The following SBK1 variants were observed in gnomAD, a reference collection of about 807,000 sequenced individuals.
The protein encoded by SBK1 is SH3 domain binding kinase 1, also known as serine/threonine-protein kinase SBK1.
A neutral mutation model predicts 24.4 loss-of-function variants in SBK1; 11 were observed. The ratio of observed to expected loss-of-function variants is 0.45; its 90% CI spans 0.28 to 0.75. The LOEUF (loss-of-function observed/expected upper bound fraction) is 0.75, where lower values mean the gene tolerates loss of function less well. Ranked by LOEUF, SBK1 falls within the 30% of genes least tolerant of loss-of-function variation. The pLI is 0.12. For missense variants in SBK1, 467 were observed against 620.5 expected (o/e 0.75, Z 2.63); for synonymous variants, 308 against 284.4 (o/e 1.08, Z -0.83).
intron 1 of SBK1, among the ~76,000 whole-genome samples, chr16:28,276,436 T>C (rs922734851): frequency 3.3e-5 from 5 of 152,292 alleles, no homozygotes; most frequent in African/African-American, 1.2e-4. Context: ...GACGGGGCAC[T>C]GGCAGCTGCG....
chr16:28,262,624 A>G (rs1184841932), intron 1 of SBK1, among the ~76,000 whole-genome samples: 1 of 152,214 alleles, frequency 6.6e-6, no homozygotes, highest in East Asian at 1.9e-4. Flanking sequence ...ACAATGTGCT[A>G]TAATAGAGGT....
chr16:28,298,797 G>A (rs2044659231), intron 1 of SBK1, among the ~76,000 whole-genome samples: 2 of 152,200 alleles, frequency 1.3e-5, no homozygotes, highest in East Asian at 1.9e-4. Context: ...CTTTGGGATG[G>A]CCCCAAGGGG....
rs1281382057 is a variant in SBK1, at chr16:28,320,901, G to T, written c.1255G>T (p.Ala419Ser). ...KSKGQVVLAT[A>S]IEICV ...CAAAGGGCAGGTGGTGCTGGCCACG[G>T]CCATCGAGATCTGCGTCTGAGTCGC... The change falls in exon 4 of 4, where the codon GCC (alanine) becomes TCC (serine). Residue 419 changes from alanine (A) to serine (S), a missense_variant. Transcript: ENST00000341901. The surrounding 1 kb of genome is among the most constrained non-coding windows in gnomAD (Gnocchi z 8.5). 6.7e-7 allele frequency: 1 copy of T among 1,493,202 alleles called. No individual in the cohort carries two copies. Among genetic ancestry groups the T allele is most frequent in the South Asian group, 1.2e-5 (1 of 82,662 alleles). 92.5% of individuals were successfully genotyped at this position (1,493,202 alleles called of 1,614,324 possible).
rs2044868582 is a variant in SBK1, at chr16:28,322,969, TC to T, written c.*2049del. The T allele has an allele frequency of 7.7e-6, 1 of 130,122 alleles. No homozygotes were observed. The highest frequency in any genetic ancestry group is 8.1e-5 in the Admixed American group (1 of 12,406). 8.1% of individuals were successfully genotyped at this position (130,122 alleles called of 1,614,324 possible). On this transcript the variant is annotated 3_prime_UTR_variant, in exon 4 of 4. Coordinates refer to ENST00000341901, the MANE Select transcript of SBK1 (RefSeq NM_001024401.3). ...CTCTCTCTCTCTCTCTCTCTCTCTC[TC>T]TCTCTCTCTCCTCTCTTTCTCTCTC...
At chr16:28,264,901 G>A (rs901765875) in intron 1 of SBK1, among the ~76,000 whole-genome samples, 8 of 152,026 alleles carry the variant, frequency 5.3e-5, no homozygotes, top group African/African-American at 1.4e-4. Context: ...GGGCAGTCAC[G>A]GAAACCAAGG....
At chr16:28,281,834 G>A (rs2044534872) in intron 1 of SBK1, among the ~76,000 whole-genome samples, 1 of 152,118 alleles carries the variant, frequency 6.6e-6, no homozygotes. Flanking sequence ...AGAAGGGGAG[G>A]GAACAGCCAG....
upstream of SBK1, among the ~76,000 whole-genome samples, chr16:28,289,508 G>A (rs892213168): frequency 3.3e-5 from 5 of 152,234 alleles, no homozygotes; most frequent in Non-Finnish European, 5.9e-5. Context: ...GTTCACACCT[G>A]TAATCCCAGC....
chr16:28,312,256 G>T (rs559260583), intron 1 of SBK1, among the ~76,000 whole-genome samples: 1 of 152,182 alleles, frequency 6.6e-6, no homozygotes, highest in Non-Finnish European at 1.5e-5. Flanking sequence ...CGCAGGCCCC[G>T]GGGAGGCCTG....
chr16:28,309,189 C>G (rs1461230810), intron 1 of SBK1, among the ~76,000 whole-genome samples: 1 of 152,138 alleles, frequency 6.6e-6, no homozygotes, highest in Non-Finnish European at 1.5e-5. Context: ...TCCTCTGCAT[C>G]AAACCAGCTG....
At position 28,320,927 on chromosome 16, in the gene SBK1, C is replaced by A; in HGVS notation, c.*6C>A. 1 of 1,439,924 alleles carries A rather than the reference C, an allele frequency of 6.9e-7. No individual in the cohort carries two copies. The highest frequency in any genetic ancestry group is 9.1e-7 in the Non-Finnish European group (1 of 1,098,962). 89.2% of individuals were successfully genotyped at this position (1,439,924 alleles called of 1,614,324 possible). A position where few individuals can be genotyped will look rare whatever the true frequency, so the allele number is the denominator to read the frequency against. ...CCATCGAGATCTGCGTCTGAGTCGC[C>A]TCCGCCGCCCTCGGACCCGGGAGCA... On this transcript the variant is annotated 3_prime_UTR_variant, in exon 4 of 4. Transcript: ENST00000341901. This position sits in a 1 kb window ranked among gnomAD's most constrained non-coding sequence, Gnocchi z 8.5.
At chr16:28,269,783 C>T (rs932275366) in intron 1 of SBK1, among the ~76,000 whole-genome samples, 3 of 151,596 alleles carry the variant, frequency 2.0e-5, no homozygotes, top group Non-Finnish European at 4.4e-5. Flanking sequence ...GGCTGAGGCA[C>T]GAGAATCGCT....
At chr16:28,282,269 AAGATCT>A (rs1163107994) in intron 1 of SBK1, among the ~76,000 whole-genome samples, 1 of 152,024 alleles carries the variant, frequency 6.6e-6, no homozygotes, top group Non-Finnish European at 1.5e-5. Context: ...TGAGGAGTGC[AAGATCT>A]CGGCTGCAGA....
intron 1 of SBK1, among the ~76,000 whole-genome samples, chr16:28,306,961 G>T (rs557725677): frequency 1.7e-4 from 26 of 152,336 alleles, no homozygotes; most frequent in Non-Finnish European, 2.6e-4. Context: ...TTTGCCGAAA[G>T]TTACGTAGGA....
chr16:28,284,839 T>C (rs2044555734), intron 1 of SBK1: 1 of 152,276 alleles, frequency 6.6e-6, no homozygotes, highest in Non-Finnish European at 1.5e-5. Context: ...TTCCATGGAA[T>C]AGTTTTTACT....
chr16:28,302,116 C>T (rs1259507775), intron 1 of SBK1, among the ~76,000 whole-genome samples: 1 of 152,162 alleles, frequency 6.6e-6, no homozygotes, highest in African/African-American at 2.4e-5. Flanking sequence ...GGACATTTTT[C>T]AGGGAAGAAG....
intron 1 of SBK1, among the ~76,000 whole-genome samples, chr16:28,311,390 C>T (rs1337723017): frequency 6.6e-6 from 1 of 152,048 alleles, no homozygotes; most frequent in African/African-American, 2.4e-5. Context: ...GTGGAACAGG[C>T]AGGAGAGACT....
upstream of SBK1, chr16:28,292,448 GGGC>G: frequency 8.9e-6 from 7 of 787,204 alleles, no homozygotes; most frequent in Non-Finnish European, 1.1e-5. Context: ...ACAAAGGGGC[GGGC>G]GGCGGCGCGC....
intron 1 of SBK1, among the ~76,000 whole-genome samples, chr16:28,271,361 A>G (rs2044464596): frequency 1.3e-5 from 2 of 152,310 alleles, no homozygotes; most frequent in South Asian, 2.1e-4. Context: ...GTTGAAGACC[A>G]GCCTGGCCAA....
intron 1 of SBK1, among the ~76,000 whole-genome samples, chr16:28,301,167 G>T (rs2044676042): frequency 6.6e-6 from 1 of 152,210 alleles, no homozygotes; most frequent in Non-Finnish European, 1.5e-5. Context: ...CCTCACCCAG[G>T]CAGCCAGGCT....
Sources: gnomAD v4.1 joint callset for allele counts (sites outside exome capture counted in the v4.1 genomes callset) on GRCh38, gnomAD v4.1.1 for gene constraint, Gnocchi (gnomAD v3.1) non-coding constraint, MANE v1.5 for transcripts, NCBI Gene and HGNC (gene_info 2026-07-23, HGNC 2026-07-21) for gene names.